Variants in KIF21A observed in about 807,000 individuals in gnomAD.
KIF21A encodes the protein kinesin-like protein KIF21A.
KIF21A carries 114 observed loss-of-function variants against 202.9 expected under a neutral mutation model. The observed-to-expected ratio is 0.56, with a 90% CI of 0.48 to 0.66. The LOEUF is 0.66. KIF21A is among the 30% of genes least tolerant of loss of function. The pLI, the probability that KIF21A is intolerant of heterozygous loss-of-function variation, is 0.00. For missense variants in KIF21A, 1,677 were observed against 1,994.9 expected (o/e 0.84, Z 3.04); for synonymous variants, 667 against 670.8 (o/e 0.99, Z 0.09).
intron 16 of KIF21A, among the ~76,000 whole-genome samples, chr12:39,338,978 G>A (rs1947214187): frequency 6.6e-6 from 1 of 152,112 alleles, no homozygotes; most frequent in African/African-American, 2.4e-5. Flanking sequence ...AGGAATGCCT[G>A]TAAAAGTATA....
At chr12:39,328,470 T>C (rs1202054453) in intron 24 of KIF21A, among the ~76,000 whole-genome samples, 3 of 152,182 alleles carry the variant, frequency 2.0e-5, no homozygotes, top group Non-Finnish European at 4.4e-5. Flanking sequence ...AACATTGATA[T>C]CATAAATCTT....
chr12:39,389,077 C>A (rs944733986), intron 1 of KIF21A, among the ~76,000 whole-genome samples: 2 of 151,678 alleles, frequency 1.3e-5, no homozygotes, highest in African/African-American at 4.8e-5. Context: ...AGTTAATTTT[C>A]CTCTATTTAA....
intron 1 of KIF21A, among the ~76,000 whole-genome samples, chr12:39,441,676 A>AAAAAAAAAAAAAAAAAAC (rs1041857523): frequency 5.8e-5 from 8 of 137,314 alleles, no homozygotes; most frequent in African/African-American, 2.2e-4. Context: ...AAAAAAAAAA[A>AAAAAAAAAAAAAAAAAAC]AAAACACTTA....
chr12:39,442,952 C>A lies in KIF21A; in HGVS notation c.19G>T (p.Glu7Ter). The change falls in exon 1 of 38, where the codon GAG becomes TAG. Residue 7 changes from glutamate to a stop codon, truncating the protein, a stop_gained. Coordinates refer to ENST00000361418, the MANE Select transcript of KIF21A (RefSeq NM_001173464.2). LOFTEE classifies it high-confidence loss of function. This position sits in a 1 kb window ranked among gnomAD's most constrained non-coding sequence, Gnocchi z 5.0. MLGAPD[E>*]SSVRVAVRIR... is the part of the protein sequence containing the mutation. ...CTGACAGCCACCCGCACGGAGCTCTCGTCCGGGGCGCCCAACATGCTGGCG... is the reference window on the plus strand; with the variant it reads ...CTGACAGCCACCCGCACGGAGCTCTAGTCCGGGGCGCCCAACATGCTGGCG... 6.6e-7 allele frequency: 1 copy of A among 1,523,014 alleles called. No homozygotes were observed. Among genetic ancestry groups the A allele is most frequent in the Non-Finnish European group, 8.8e-7 (1 of 1,142,410 alleles). 94.3% of individuals were successfully genotyped at this position (1,523,014 alleles called of 1,614,324 possible).
At chr12:39,364,583 A>G (rs767893243) in intron 6 of KIF21A, among the ~76,000 whole-genome samples, 12 of 152,144 alleles carry the variant, frequency 7.9e-5, no homozygotes, top group Non-Finnish European at 1.8e-4. Flanking sequence ...CCATAGACGG[A>G]TCATAATCAT....
chr12:39,386,240 C>A (rs570638383), intron 1 of KIF21A, among the ~76,000 whole-genome samples: 1 of 152,250 alleles, frequency 6.6e-6, no homozygotes, highest in Admixed American at 6.6e-5. Flanking sequence ...GATGGGCCTC[C>A]TCTTTTTTTC....
intron 1 of KIF21A, among the ~76,000 whole-genome samples, chr12:39,427,234 G>A (rs2140304744): frequency 6.6e-6 from 1 of 152,306 alleles, no homozygotes; most frequent in Non-Finnish European, 1.5e-5. Flanking sequence ...GGTCAGGGAT[G>A]GAAGTTACTT....
intron 7 of KIF21A, among the ~76,000 whole-genome samples, chr12:39,362,682 A>G (rs982752803): frequency 2.6e-5 from 4 of 152,192 alleles, no homozygotes; most frequent in Non-Finnish European, 4.4e-5. Flanking sequence ...AAAAGTACCA[A>G]TAATATTTAA....
intron 1 of KIF21A, among the ~76,000 whole-genome samples, chr12:39,395,826 G>C (rs948974339): frequency 7.1e-6 from 1 of 141,392 alleles, no homozygotes; most frequent in Non-Finnish European, 1.5e-5. Context: ...TGGGTGACGA[G>C]AGCGAGACTC....
At chr12:39,370,935 A>G (rs1949911097) in intron 1 of KIF21A, among the ~76,000 whole-genome samples, 1 of 152,142 alleles carries the variant, frequency 6.6e-6, no homozygotes, top group Non-Finnish European at 1.5e-5. Context: ...CTCCCCATGG[A>G]TACCAAAATC....
In KIF21A at chr12:39,443,022, G is replaced by A. The variant is rs1023051782; in HGVS notation, c.-52C>T. The A allele has an allele frequency of 2.0e-6, 3 of 1,493,890 alleles. 1 individual carries two copies. The highest frequency in any genetic ancestry group is 2.5e-5 in the South Asian group (2 of 79,928). The allele number at this position is 1,493,890 out of a possible 1,614,324, so 92.5% of individuals were successfully genotyped here. A position where few individuals can be genotyped will look rare whatever the true frequency, so the allele number is the denominator to read the frequency against. ...TTGGGCCTCGGCACCGCAGAGCTGA[G>A]GCGCCACTGGGGCCGCGGGACTCGG... On this transcript the variant is annotated 5_prime_UTR_variant, in exon 1 of 38. Coordinates refer to ENST00000361418, the MANE Select transcript of KIF21A (RefSeq NM_001173464.2).
At position 39,340,211 on chromosome 12, in the gene KIF21A, T is replaced by A. The variant is rs370078871; in HGVS notation, c.2264A>T (p.Gln755Leu). 10 of 1,613,022 alleles carry A rather than the reference T, an allele frequency of 6.2e-6. No homozygotes were observed. The highest frequency in any genetic ancestry group is 8.5e-6 in the Non-Finnish European group (10 of 1,179,626). The change falls in exon 16 of 38, where the codon CAA becomes CTA. Residue 755 changes from glutamine to leucine, a missense_variant. Coordinates refer to ENST00000361418, the MANE Select transcript of KIF21A (RefSeq NM_001173464.2). ...CACATCCTGCTGCAATTTCTTCAAT[T>A]GCTTTTCATACTGAGACTGATTTTT... ...LLKNQSQYEK[Q>L]LKKLQQDVME...
chr12:39,365,470 C>T (rs192958460), intron 6 of KIF21A, among the ~76,000 whole-genome samples: 2 of 152,318 alleles, frequency 1.3e-5, no homozygotes, highest in Admixed American at 6.5e-5. Flanking sequence ...AAACACAAAA[C>T]TTTGCTCTAA....
intron 1 of KIF21A, among the ~76,000 whole-genome samples, chr12:39,403,129 C>T (rs139521329): frequency 6.6e-6 from 1 of 152,024 alleles, no homozygotes; most frequent in Admixed American, 6.6e-5. Flanking sequence ...CCTTCAAACA[C>T]CCCTTGACAA....
intron 7 of KIF21A, among the ~76,000 whole-genome samples, chr12:39,358,857 A>C (rs923301706): frequency 2.6e-5 from 4 of 152,166 alleles, no homozygotes; most frequent in Non-Finnish European, 5.9e-5. Flanking sequence ...CGTTATATAA[A>C]CTGTCATTTG....
intron 32 of KIF21A, among the ~76,000 whole-genome samples, chr12:39,310,055 C>G (rs1239462883): frequency 6.6e-6 from 1 of 152,016 alleles, no homozygotes; most frequent in Admixed American, 6.6e-5. Flanking sequence ...AGTCTTGCTT[C>G]AAATTGCCAC....
rs1377057958 is a variant in KIF21A, at chr12:39,367,867, A to G, written c.600+16T>C. ...AAGCCAACTATGCTCTGTTTTAACT[A>G]TAATATAAATATTACCTCTGATTCT... On this transcript the variant is annotated intron_variant, in intron 4 of 37. Transcript: ENST00000361418. 2 of 1,597,976 alleles carry G rather than the reference A, an allele frequency of 1.3e-6. No homozygotes were observed. The highest frequency in any genetic ancestry group is 1.7e-6 in the Non-Finnish European group (2 of 1,166,326).
intron 10 of KIF21A, 33 bp downstream of exon 10, chr12:39,356,797 CAT>C (rs775196778): frequency 4.3e-6 from 4 of 920,452 alleles, no homozygotes; most frequent in South Asian, 2.7e-5. Context: ...CCAAAACAAA[CAT>C]GTGCATTATA....
chr12:39,371,149 T>A (rs1406402813), intron 1 of KIF21A, among the ~76,000 whole-genome samples: 2 of 152,170 alleles, frequency 1.3e-5, no homozygotes, highest in Non-Finnish European at 2.9e-5. Context: ...GATGTAACAA[T>A]CCATTATTTT....
Sources: allele counts gnomAD v4.1 joint callset (sites outside exome capture counted in the v4.1 genomes callset), GRCh38; gene constraint gnomAD v4.1.1; non-coding constraint Gnocchi (gnomAD v3.1); transcripts MANE v1.5; gene names NCBI Gene and HGNC (gene_info 2026-07-23, HGNC 2026-07-21).